Variants in FBXL17 observed in about 807,000 individuals in gnomAD.
FBXL17 encodes F-box and leucine rich repeat protein 17, also known as F-box/LRR-repeat protein 17.
A neutral mutation model predicts 66.2 loss-of-function variants in FBXL17; 22 were observed. The ratio of observed to expected loss-of-function variants is 0.33; its 90% CI spans 0.24 to 0.47. FBXL17 has a LOEUF of 0.47. Among genes scored for constraint, FBXL17 ranks in the 20% least tolerant of loss-of-function variants. FBXL17 has a pLI of 1.00. For missense variants in FBXL17, 878 were observed against 948.2 expected, an observed-to-expected ratio of 0.93 and a Z score of 0.97; for synonymous variants, 474 against 400.5, an observed-to-expected ratio of 1.18 and a Z score of -2.19.
At chr5:108,178,705 T>G (rs972179874) in intron 6 of FBXL17, among the ~76,000 whole-genome samples, 1 of 152,222 alleles carries the variant, frequency 6.6e-6, no homozygotes, top group Non-Finnish European at 1.5e-5. Context: ...GACAGATTGC[T>G]CTGCATTCTA....
At chr5:108,073,203 T>C (rs1748409989) in intron 6 of FBXL17, among the ~76,000 whole-genome samples, 1 of 152,192 alleles carries the variant, frequency 6.6e-6, no homozygotes, top group South Asian at 2.1e-4. Context: ...CATCTCTTAA[T>C]GGATAAAAAT....
chr5:108,348,623 C>A, intron 3 of FBXL17, 93 bp from the exon 4 acceptor site: 2 of 1,287,342 alleles, frequency 1.6e-6, no homozygotes, highest in East Asian at 4.9e-5. Flanking sequence ...AAAATAACCA[C>A]GTCAGAGTTA....
rs113275270 is a variant in FBXL17 at position 108,139,964 on chromosome 5, G to A, written c.1745+46153C>T. Among the ~76,000 whole-genome samples, 57 of 152,032 alleles carry A rather than the reference G, an allele frequency of 3.7e-4. 2 individuals carry two copies. The highest frequency in any genetic ancestry group is 1.9e-4 in the East Asian group (1 of 5,154). On this transcript the variant is annotated intron_variant, in intron 6 of 8. Coordinates refer to ENST00000542267, the MANE Select transcript of FBXL17 (RefSeq NM_001163315.3). ...CTCCTTTGGCTCAGCCCCTAAACAC[G>A]TTTAAGTTTCTCCCACTTTGAAAGA...
chr5:108,261,853 G>A (rs1756834749), intron 4 of FBXL17, among the ~76,000 whole-genome samples: 1 of 151,762 alleles, frequency 6.6e-6, no homozygotes, highest in African/African-American at 2.4e-5. Flanking sequence ...ATAATAAAGT[G>A]AATAAATCAA....
At chr5:108,009,308 T>TAGATAGATAGATAGATATACACAC in intron 7 of FBXL17, among the ~76,000 whole-genome samples, 1 of 42,220 alleles carries the variant, frequency 2.4e-5, no homozygotes, top group African/African-American at 8.8e-5. Context: ...TATACATATA[T>TAGATAGATAGATAGATATACACAC]ACATACACAT....
At chr5:108,374,973 G>T (rs1047257648) in intron 1 of FBXL17, among the ~76,000 whole-genome samples, 5 of 151,934 alleles carry the variant, frequency 3.3e-5, no homozygotes, top group Non-Finnish European at 7.4e-5. Flanking sequence ...AAACTAAGCA[G>T]AAACAAGGGG....
At chr5:108,056,118 T>A (rs531459588) in intron 6 of FBXL17, among the ~76,000 whole-genome samples, 17 of 152,344 alleles carry the variant, frequency 1.1e-4, no homozygotes, top group African/African-American at 3.6e-4. Flanking sequence ...AGTCAAAATA[T>A]TCCTATTAAT....
chr5:108,265,665 TAAA>T (rs750313553), intron 4 of FBXL17, among the ~76,000 whole-genome samples: 9 of 152,182 alleles, frequency 5.9e-5, no homozygotes, highest in African/African-American at 1.7e-4. Context: ...TTAAATATCT[TAAA>T]AATCTCTGGA....
Position 107,878,156 on chromosome 5 carries a change from A to C in FBXL17, c.1965+2881T>G, listed in dbSNP as rs114175837. The C allele has an allele frequency of 3.1e-3, 2,408 of 779,128 alleles. 47 individuals carry two copies. In the African/African-American group the frequency reaches 0.042, roughly 14 times the overall value. 48.3% of individuals were successfully genotyped at this position (779,128 alleles called of 1,614,324 possible). A position where few individuals can be genotyped will look rare whatever the true frequency, so the allele number is the denominator to read the frequency against. ...GTGTAGAAAGTGTAATTACTGACAT[A>C]TTTGTATAAAAAATAATCTTAATTT... On this transcript the variant is annotated intron_variant, in intron 8 of 8. Coordinates refer to ENST00000542267, the MANE Select transcript of FBXL17 (RefSeq NM_001163315.3).
In FBXL17 at chr5:108,382,030, G is replaced by T. The variant is rs533631757; in HGVS notation, c.-339C>A. ...CTCAGTCAGTCAGCGGAGCGGCCGG[G>T]GAAAGGCCGGGTCCCGCTCGGACCA... On this transcript the variant is annotated 5_prime_UTR_variant, in exon 1 of 9. Coordinates refer to ENST00000542267, the MANE Select transcript of FBXL17 (RefSeq NM_001163315.3). The T allele has an allele frequency of 2.4e-5, 25 of 1,027,918 alleles. No individual in the cohort carries two copies. Among genetic ancestry groups the T allele is most frequent in the Non-Finnish European group, 2.9e-5 (24 of 833,854 alleles). The allele number at this position is 1,027,918 out of a possible 1,614,324, so 63.7% of individuals were successfully genotyped here.
At chr5:107,875,203 C>A (rs527694373) in intron 8 of FBXL17, among the ~76,000 whole-genome samples, 44 of 151,640 alleles carry the variant, frequency 2.9e-4, no homozygotes, top group African/African-American at 1.0e-3. Flanking sequence ...GCAGACAAGG[C>A]AGGGAAGAGG....
rs114371036 is a variant in FBXL17, at chr5:107,951,905, A to C, written c.1822+69020T>G. ...TGCAAACAACCTTTACTTGTACAAA[A>C]CCAGTTTTAAAAAAGCAAAACTCTA... On this transcript the variant is annotated intron_variant, in intron 7 of 8. Coordinates refer to ENST00000542267, the MANE Select transcript of FBXL17 (RefSeq NM_001163315.3). 2.7e-3 allele frequency among the ~76,000 whole-genome samples: 407 copies of C among 152,310 alleles called. 1 individual carries two copies. Among genetic ancestry groups the C allele is most frequent in the African/African-American group, 9.5e-3 (396 of 41,570 alleles).
At chr5:108,311,856 G>A (rs1002664579) in intron 4 of FBXL17, among the ~76,000 whole-genome samples, 2 of 152,146 alleles carry the variant, frequency 1.3e-5, no homozygotes, top group African/African-American at 4.8e-5. Context: ...GAGAGATAAT[G>A]GCCCAGTGCC....
intron 4 of FBXL17, among the ~76,000 whole-genome samples, chr5:108,250,455 GT>G (rs1756300170): frequency 6.6e-6 from 1 of 152,020 alleles, no homozygotes; most frequent in Non-Finnish European, 1.5e-5. Flanking sequence ...TTTGAAGGAT[GT>G]TTTTTAGTGA....
rs189375060 is a variant in FBXL17, at chr5:108,100,352, A to G, written c.1746-79351T>C. Among the ~76,000 whole-genome samples, 3 of 152,292 alleles carry G rather than the reference A, an allele frequency of 2.0e-5. No individual in the cohort carries two copies. The East Asian group carries it at 5.8e-4, about 29-fold the overall frequency. Reference sequence around the variant, plus strand: ...AAAAAGTAGAGGGAATAGTATAAGAATGTGCATGTATGCATCACCCAGGTC... The same window carrying G: ...AAAAAGTAGAGGGAATAGTATAAGAGTGTGCATGTATGCATCACCCAGGTC... On this transcript the variant is annotated intron_variant, in intron 6 of 8. Coordinates refer to ENST00000542267, the MANE Select transcript of FBXL17 (RefSeq NM_001163315.3).
chr5:107,890,103 T>C (rs1369466565), intron 7 of FBXL17, among the ~76,000 whole-genome samples: 1 of 152,196 alleles, frequency 6.6e-6, no homozygotes, highest in Non-Finnish European at 1.5e-5. Context: ...CCTGGTTCAA[T>C]GATTCTTTTT....
chr5:107,951,452 A>C (rs1751494758), intron 7 of FBXL17, among the ~76,000 whole-genome samples: 1 of 152,230 alleles, frequency 6.6e-6, no homozygotes, highest in African/African-American at 2.4e-5. Flanking sequence ...AGCTGATGGC[A>C]CTTGATAACT....
intron 4 of FBXL17, among the ~76,000 whole-genome samples, chr5:108,330,186 A>T (rs1480873007): frequency 6.6e-6 from 1 of 152,180 alleles, no homozygotes; most frequent in African/African-American, 2.4e-5. Context: ...AGCTTTCAAT[A>T]TAGTTTTCTA....
intron 1 of FBXL17, among the ~76,000 whole-genome samples, chr5:108,373,598 G>A (rs1749210869): frequency 6.6e-6 from 1 of 151,900 alleles, no homozygotes; most frequent in Admixed American, 6.6e-5. Context: ...AAATGTAAAT[G>A]GGCTAAACTT....
Sources: gnomAD v4.1 joint callset for allele counts (sites outside exome capture counted in the v4.1 genomes callset) on GRCh38, gnomAD v4.1.1 for gene constraint, MANE v1.5 for transcripts, NCBI Gene and HGNC (gene_info 2026-07-23, HGNC 2026-07-21) for gene names.